Variants in FGF14 observed in about 807,000 individuals in gnomAD.
The protein encoded by FGF14 is fibroblast growth factor 14, also known as fibroblast growth factor homologous factor 4.
In FGF14, 5 loss-of-function variants were observed where a neutral mutation model predicts 25.5. That is an observed-to-expected ratio of 0.20 (90% CI 0.10 to 0.41). The LOEUF (loss-of-function observed/expected upper bound fraction) is 0.41, where lower values mean the gene tolerates loss of function less well. FGF14 is among the 10% of genes least tolerant of loss of function. FGF14 has a pLI of 1.00. For missense variants in FGF14, 222 were observed against 320.1 expected (o/e 0.69, Z 2.34); for synonymous variants, 138 against 118.3 (o/e 1.17, Z -1.08).
At chr13:102,103,467 A>AT (rs10679328) in intron 1 of FGF14, among the ~76,000 whole-genome samples, 22 of 151,604 alleles carry the variant, frequency 1.5e-4, no homozygotes, top group East Asian at 3.9e-4. Context: ...TGAGCCCCTG[A>AT]TTTTTTTTGT....
At chr13:101,807,754 C>A (rs1166615598) in intron 3 of FGF14, among the ~76,000 whole-genome samples, 3 of 151,804 alleles carry the variant, frequency 2.0e-5, no homozygotes, top group South Asian at 2.1e-4. Flanking sequence ...GCTGGAAGTG[C>A]AGATTTAAAT....
intron 3 of FGF14, among the ~76,000 whole-genome samples, chr13:101,774,772 G>A (rs2038990167): frequency 6.6e-6 from 1 of 152,122 alleles, no homozygotes; most frequent in South Asian, 2.1e-4. Context: ...ATTGGAAAGG[G>A]CCAGGCACGG....
At chr13:102,119,246 A>G (rs1362731161) in intron 1 of FGF14, among the ~76,000 whole-genome samples, 7 of 152,202 alleles carry the variant, frequency 4.6e-5, no homozygotes, top group Non-Finnish European at 8.8e-5. Context: ...GAAACAAACT[A>G]GCCAATACTT....
chr13:102,094,135 A>T (rs2044288865), intron 1 of FGF14, among the ~76,000 whole-genome samples: 1 of 151,444 alleles, frequency 6.6e-6, no homozygotes, highest in Admixed American at 6.6e-5. Flanking sequence ...AGGCATGAAC[A>T]TCTTGGACTT....
At chr13:101,795,518 C>T (rs1025430805) in intron 3 of FGF14, among the ~76,000 whole-genome samples, 3 of 152,048 alleles carry the variant, frequency 2.0e-5, no homozygotes, top group Admixed American at 6.6e-5. Flanking sequence ...TCAGCTTTTC[C>T]ATACCCCTGA....
chr13:102,245,371 A>G (rs572603271), intron 1 of FGF14, among the ~76,000 whole-genome samples: 14 of 152,154 alleles, frequency 9.2e-5, no homozygotes, highest in Non-Finnish European at 1.6e-4. Flanking sequence ...TAAAGTATTT[A>G]CGATGAGTCT....
chr13:102,041,617 GT>G (rs1180970263), intron 1 of FGF14, among the ~76,000 whole-genome samples: 2 of 148,020 alleles, frequency 1.4e-5, no homozygotes, highest in Non-Finnish European at 1.5e-5. Flanking sequence ...ATTAAAAAAT[GT>G]TTCCTTTACT....
intron 1 of FGF14, among the ~76,000 whole-genome samples, chr13:102,362,032 T>C (rs1020215980): frequency 5.3e-5 from 8 of 152,142 alleles, no homozygotes; most frequent in African/African-American, 1.9e-4. Flanking sequence ...TTCATCTTCT[T>C]ATTTGAAGTA....
intron 1 of FGF14, among the ~76,000 whole-genome samples, chr13:102,325,051 A>T (rs916328122): frequency 6.6e-6 from 1 of 152,188 alleles, no homozygotes; most frequent in Non-Finnish European, 1.5e-5. Flanking sequence ...TTTTAAAAAA[A>T]GAGGAAAAGA....
At chr13:101,792,751 G>A (rs1030845332) in intron 3 of FGF14, among the ~76,000 whole-genome samples, 15 of 152,096 alleles carry the variant, frequency 9.9e-5, no homozygotes, top group African/African-American at 3.1e-4. Flanking sequence ...ATAAAGCTGT[G>A]ATTTCTAGCT....
chr13:101,729,462 G>A (rs2035661810), intron 3 of FGF14, among the ~76,000 whole-genome samples: 1 of 152,144 alleles, frequency 6.6e-6, no homozygotes, highest in African/African-American at 2.4e-5. Flanking sequence ...CAATGGAGCA[G>A]ATAAACATCA....
chr13:102,267,237 C>T lies in FGF14; in HGVS notation c.208+134234G>A, dbSNP rs957005522. 2.6e-5 allele frequency among the ~76,000 whole-genome samples: 4 copies of T among 152,266 alleles called. 1 individual carries two copies. On this transcript the variant is annotated intron_variant, in intron 1 of 4. Transcript: ENST00000376131. ...AGATGAATGATTTGGGGCTCAACCA[C>T]ACCCTAGTCGGGGAGCTTCTCAATG...
At chr13:102,181,263 G>A (rs1180839252) in intron 1 of FGF14, among the ~76,000 whole-genome samples, 2 of 152,086 alleles carry the variant, frequency 1.3e-5, no homozygotes, top group African/African-American at 4.8e-5. Context: ...GTCCATGCCC[G>A]AATCCCCAGA....
In FGF14 at chr13:102,007,681, G is replaced by A. The variant is rs768379261; in HGVS notation, c.209-132385C>T. On this transcript the variant is annotated intron_variant, in intron 1 of 4. Transcript: ENST00000376131. The stretch of plus-strand genomic sequence containing the variant: ...ATTGCCAAGGAGCTTATCCCTGTGA[G>A]AGCTCACTCTGAAAATGGAAGAGCT... Among the ~76,000 whole-genome samples the A allele has an allele frequency of 7.2e-5, 11 of 152,282 alleles. No homozygotes were observed. The South Asian group carries it at 2.3e-3, about 32-fold the overall frequency.
At chr13:101,878,025 G>T (rs1266745627) in intron 1 of FGF14, among the ~76,000 whole-genome samples, 2 of 151,960 alleles carry the variant, frequency 1.3e-5, no homozygotes, top group Non-Finnish European at 2.9e-5. Flanking sequence ...CTTCATGTCT[G>T]GAAATATGCA....
At chr13:101,909,733 C>T (rs1198903820) in intron 1 of FGF14, among the ~76,000 whole-genome samples, 1 of 152,148 alleles carries the variant, frequency 6.6e-6, no homozygotes, top group African/African-American at 2.4e-5. Context: ...CCAGCCATCC[C>T]ATTACTGGGT....
At chr13:102,325,038 T>C (rs1301505726) in intron 1 of FGF14, among the ~76,000 whole-genome samples, 2 of 151,934 alleles carry the variant, frequency 1.3e-5, no homozygotes, top group Non-Finnish European at 2.9e-5. Context: ...CATCAAAAGA[T>C]TTTTTTAAAA....
chr13:101,971,899 G>T (rs1001173), intron 1 of FGF14, among the ~76,000 whole-genome samples: 1 of 152,128 alleles, frequency 6.6e-6, no homozygotes, highest in Non-Finnish European at 1.5e-5. Flanking sequence ...AATTTCACAC[G>T]TGTATTCTAC....
intron 1 of FGF14, among the ~76,000 whole-genome samples, chr13:102,034,864 T>A (rs1326661152): frequency 2.0e-5 from 3 of 152,006 alleles, no homozygotes; most frequent in Non-Finnish European, 4.4e-5. Flanking sequence ...ATGAACAGAG[T>A]CTCACTTTGT....
Sources: gnomAD v4.1 joint callset for allele counts (sites outside exome capture counted in the v4.1 genomes callset) on GRCh38, gnomAD v4.1.1 for gene constraint, MANE v1.5 for transcripts, NCBI Gene and HGNC (gene_info 2026-07-23, HGNC 2026-07-21) for gene names.